The following DCAF4 variants were observed in gnomAD, a reference collection of about 807,000 sequenced individuals.
DCAF4 encodes DDB1 and CUL4 associated factor 4.
Under a neutral mutation model 60.9 loss-of-function variants are expected in DCAF4, and 37 were observed. The observed-to-expected ratio is 0.61, with a 90% CI of 0.47 to 0.80. The LOEUF (loss-of-function observed/expected upper bound fraction) is 0.80. DCAF4 is among the 30% of genes least tolerant of loss of function. The pLI, the probability that DCAF4 is intolerant of heterozygous loss-of-function variation, is 0.00. For missense variants in DCAF4, 577 were observed against 650.0 expected (o/e 0.89, Z 1.22); for synonymous variants, 243 against 254.8 (o/e 0.95, Z 0.44).
Position 72,953,782 on chromosome 14 carries a change from TTGTGTGTGTGTGTG to T in DCAF4, c.809-348_809-335del, listed in dbSNP as rs149574612. Among the ~76,000 whole-genome samples, 62 of 41,124 alleles carry T rather than the reference TTGTGTGTGTGTGTG, an allele frequency of 1.5e-3. 3 individuals carry two copies. The highest frequency in any genetic ancestry group is 5.1e-3 in the South Asian group (4 of 784). The allele number at this position is 41,124 out of a possible 152,430, so 27.0% of individuals were successfully genotyped here. On this transcript the variant is annotated intron_variant, in intron 9 of 13. Coordinates refer to ENST00000358377, the MANE Select transcript of DCAF4 (RefSeq NM_015604.4). ...ATATATAGTTTATTTATTTATTTAT[TTGTGTGTGTGTGTG>T]TGTGTGTGTGTGTGTGTGTGTGTGT...
At position 72,940,292 on chromosome 14, in the gene DCAF4, A is replaced by C. The variant is rs1567305296; in HGVS notation, c.266A>C (p.Asn89Thr). ...FRLLPGHNNC[N>T]PLTKESIRQK... ...TTGCTCCCTGGACATAACAACTGCA[A>C]CCCCCTGACGAAAGAGAGCATCCGG... Residue 89 changes from asparagine to threonine, a missense_variant, in exon 4 of 14, where the codon AAC becomes ACC. Coordinates refer to ENST00000358377, the MANE Select transcript of DCAF4 (RefSeq NM_015604.4). 1 of 1,614,118 alleles carries C rather than the reference A, an allele frequency of 6.2e-7. No individual in the cohort carries two copies. The highest frequency in any genetic ancestry group is 2.2e-5 in the East Asian group (1 of 44,874).
chr14:72,929,822 T>A (rs1228120160), intron 1 of DCAF4: 2 of 1,227,234 alleles, frequency 1.6e-6, no homozygotes. Context: ...ACAAACTTGG[T>A]GCGTTTGCTC....
In DCAF4 at chr14:72,953,730, A is replaced by ATAT. The variant is rs1179787420; in HGVS notation, c.809-434_809-433insTAT. Among the ~76,000 whole-genome samples the ATAT allele has an allele frequency of 3.1e-3, 86 of 27,724 alleles. 7 individuals are homozygous for ATAT. Among genetic ancestry groups the ATAT allele is most frequent in the South Asian group, 0.012 (7 of 594 alleles). The allele number at this position is 27,724 out of a possible 152,430, so 18.2% of individuals were successfully genotyped here. ...GTCTTAAAAAAAAAAAAAAAAAAAA[A>ATAT]AAATATATATATATATATATATATA... is the stretch of plus-strand genomic sequence containing the variant. On this transcript the variant is annotated intron_variant, in intron 9 of 13. Coordinates refer to ENST00000358377, the MANE Select transcript of DCAF4 (RefSeq NM_015604.4).
intron 1 of DCAF4, among the ~76,000 whole-genome samples, chr14:72,929,309 A>G (rs1888180389): frequency 6.6e-6 from 1 of 152,160 alleles, no homozygotes; most frequent in African/African-American, 2.4e-5. Flanking sequence ...TGTGAGAGAG[A>G]GCCGACCTCC....
intron 2 of DCAF4, 65 bp from the exon 3 acceptor site, chr14:72,939,737 G>GT (rs1889766076): frequency 7.0e-7 from 1 of 1,426,922 alleles, no homozygotes; most frequent in South Asian, 1.3e-5. Flanking sequence ...TGGACTCCCT[G>GT]CCCCCGTCAG....
intron 1 of DCAF4, among the ~76,000 whole-genome samples, chr14:72,936,677 G>A (rs1889323804): frequency 6.6e-6 from 1 of 152,148 alleles, no homozygotes; most frequent in Non-Finnish European, 1.5e-5. Context: ...GAGAAATCAT[G>A]AACTCACTTT....
chr14:72,946,320 A>T (rs956533454), intron 7 of DCAF4, among the ~76,000 whole-genome samples: 2 of 151,758 alleles, frequency 1.3e-5, no homozygotes, highest in Non-Finnish European at 2.9e-5. Flanking sequence ...TGGGAAGATC[A>T]CCTGAGCCCA....
rs1889774235 is a variant in DCAF4, at chr14:72,939,790, G to A, written c.93-12G>A. 6.2e-6 allele frequency: 10 copies of A among 1,605,884 alleles called. No homozygotes were observed. Among genetic ancestry groups the A allele is most frequent in the Non-Finnish European group, 8.5e-6 (10 of 1,175,736 alleles). On this transcript the variant is annotated splice_polypyrimidine_tract_variant and intron_variant, in intron 2 of 13. Transcript: ENST00000358377. ...TCCTGGGCTGCAAGTTAACACAGCT[G>A]TGTGTCAACAGGTCTGACTCCCGGG...
intron 1 of DCAF4, among the ~76,000 whole-genome samples, chr14:72,933,842 C>G (rs1406656508): frequency 6.6e-6 from 1 of 152,194 alleles, no homozygotes; most frequent in Non-Finnish European, 1.5e-5. Flanking sequence ...ACTCCTCTCT[C>G]CACCTCTCCC....
chr14:72,929,818 T>C, intron 1 of DCAF4: 1 of 1,205,426 alleles, frequency 8.3e-7, no homozygotes, highest in Non-Finnish European at 1.2e-6. Context: ...CGCTACAAAC[T>C]TGGTGCGTTT....
At position 72,929,623 on chromosome 14, in the gene DCAF4, T is replaced by C. The variant is rs993135563; in HGVS notation, c.-9+3080T>C. On this transcript the variant is annotated intron_variant, in intron 1 of 13. Coordinates refer to ENST00000358377, the MANE Select transcript of DCAF4 (RefSeq NM_015604.4). ...GCAGGGGAGGGGGCTCAGTCTTTCT[T>C]GGCAGCGGCTTTCCTCATGGCAGCC... The C allele has an allele frequency of 2.5e-6, 3 of 1,216,564 alleles. No homozygotes were observed. In the African/African-American group the frequency reaches 4.5e-5, roughly 18 times the overall value. 75.4% of individuals were successfully genotyped at this position (1,216,564 alleles called of 1,614,324 possible). A position where few individuals can be genotyped will look rare whatever the true frequency, so the allele number is the denominator to read the frequency against.
chr14:72,946,168 G>A (rs1890712133), intron 7 of DCAF4, 141 bp downstream of exon 7: 1 of 1,095,698 alleles, frequency 9.1e-7, no homozygotes, highest in Non-Finnish European at 1.3e-6. Flanking sequence ...TTTTACTTGA[G>A]CCTAGGAGTT....
chr14:72,926,889 G>C (rs1664455792), intron 1 of DCAF4: 1 of 152,588 alleles, frequency 6.6e-6, no homozygotes, highest in Admixed American at 6.5e-5. Context: ...GGCGGGGGCT[G>C]GGCTGCGGGC....
At chr14:72,942,641 G>A (rs1769727581) in intron 5 of DCAF4, 1 of 177,360 alleles carries the variant, frequency 5.6e-6, no homozygotes, top group African/African-American at 2.7e-5. Flanking sequence ...CCGTATCCTG[G>A]GGCTCTTCCC....
intron 1 of DCAF4, among the ~76,000 whole-genome samples, chr14:72,931,249 T>C (rs1181444198): frequency 6.9e-6 from 1 of 145,534 alleles, no homozygotes; most frequent in East Asian, 2.0e-4. Context: ...AATATATTCC[T>C]AAGTACTTTT....
rs1467605521 is a variant in DCAF4, at chr14:72,947,130, CT to C, written c.679-10del. 2 of 1,614,024 alleles carry C rather than the reference CT, an allele frequency of 1.2e-6. No individual in the cohort carries two copies. Among genetic ancestry groups the C allele is most frequent in the African/African-American group, 2.7e-5 (2 of 74,928 alleles). On this transcript the variant is annotated splice_polypyrimidine_tract_variant and intron_variant, in intron 7 of 13. Coordinates refer to ENST00000358377, the MANE Select transcript of DCAF4 (RefSeq NM_015604.4). ...GAATAACTTTCCATCTCGCTGTGTG[CT>C]TCCTCACCAGGTGAATTCGGTGTGC...
chr14:72,959,744 C>T, downstream of DCAF4: 1 of 740,136 alleles, frequency 1.4e-6, no homozygotes, highest in Non-Finnish European at 1.7e-6. Context: ...CTTCCCTGGG[C>T]CCCTCCAGAC....
intron 11 of DCAF4, among the ~76,000 whole-genome samples, chr14:72,955,276 T>TG (rs1317563866): frequency 6.7e-6 from 1 of 150,308 alleles, no homozygotes. Flanking sequence ...TGCAGGGGGG[T>TG]GGGGGGCAGC....
intron 1 of DCAF4, among the ~76,000 whole-genome samples, chr14:72,927,140 A>G (rs1887677608): frequency 6.6e-6 from 1 of 152,220 alleles, no homozygotes; most frequent in African/African-American, 2.4e-5. Flanking sequence ...TGAGTTAGCG[A>G]GAAAGCCACG....
Sources: allele counts gnomAD v4.1 joint callset (sites outside exome capture counted in the v4.1 genomes callset), GRCh38; gene constraint gnomAD v4.1.1; transcripts MANE v1.5; gene names NCBI Gene and HGNC (gene_info 2026-07-23, HGNC 2026-07-21).